RTKN2: variants seen among roughly 807,000 people sequenced by gnomAD.
RTKN2 encodes rhotekin 2.
A neutral mutation model predicts 71.5 loss-of-function variants in RTKN2; 69 were observed. That is an observed-to-expected ratio of 0.96 (90% CI 0.79 to 1.18). RTKN2 has a LOEUF of 1.18. Among genes scored for constraint, RTKN2 ranks in the 50% most tolerant of loss-of-function variants. RTKN2 has a pLI of 0.00. For missense variants in RTKN2, 724 were observed against 719.7 expected (o/e 1.01, Z -0.07); for synonymous variants, 236 against 236.5 (o/e 1.00, Z 0.02).
In RTKN2 at chr10:62,262,678, A is replaced by G. The variant is rs768769007; in HGVS notation, c.204T>C (p.Tyr68=). ...LMVCNARLMA[Y]TSELQKLEEQ... ...CTTCTAATTTCTGTAGCTCCGATGT[A>G]TAGGCCATTAGTCGAGCATTGCACA... Residue 68 remains tyrosine (Y), a synonymous_variant, in exon 2 of 12, where the codon TAT becomes TAC. Transcript: ENST00000373789. The G allele has an allele frequency of 6.2e-6, 10 of 1,613,394 alleles. No homozygotes were observed. In the South Asian group the frequency reaches 9.9e-5, roughly 16 times the overall value.
intron 10 of RTKN2, among the ~76,000 whole-genome samples, chr10:62,203,820 A>G (rs1222311018): frequency 6.6e-6 from 1 of 152,232 alleles, no homozygotes; most frequent in Non-Finnish European, 1.5e-5. Context: ...TTCAGGCCTA[A>G]GTTTTCTCAT....
rs1564529487 is a variant in RTKN2 at position 62,257,938 on chromosome 10, T to C, written c.257+4687A>G. 1.3e-5 allele frequency among the ~76,000 whole-genome samples: 2 copies of C among 152,220 alleles called. 1 individual carries two copies. Among genetic ancestry groups the C allele is most frequent in the Non-Finnish European group, 2.9e-5 (2 of 68,030 alleles). The stretch of plus-strand genomic sequence containing the variant: ...TTTACATCCTGACTCCATTGGGAAC[T>C]GTACAGAAGCCTGGGTATTTTGGCT... On this transcript the variant is annotated intron_variant, in intron 2 of 11. Coordinates refer to ENST00000373789, the MANE Select transcript of RTKN2 (RefSeq NM_145307.4).
chr10:62,251,762 T>G (rs1398575974), intron 2 of RTKN2, among the ~76,000 whole-genome samples: 1 of 151,620 alleles, frequency 6.6e-6, no homozygotes, highest in East Asian at 1.9e-4. Flanking sequence ...TAGTAAAGAA[T>G]AAACAATAGG....
chr10:62,195,981 A>C lies in RTKN2; in HGVS notation c.*1927T>G, dbSNP rs1295834638. ...CTTCCTGCTGTTATCTGCATGAGGAAAAATGACAAGAATATAATCTGGAAG... is the reference window on the plus strand; with the variant it reads ...CTTCCTGCTGTTATCTGCATGAGGACAAATGACAAGAATATAATCTGGAAG... On this transcript the variant is annotated 3_prime_UTR_variant, in exon 12 of 12. Coordinates refer to ENST00000373789, the MANE Select transcript of RTKN2 (RefSeq NM_145307.4). The C allele has an allele frequency of 3.0e-6, 3 of 985,094 alleles. No homozygotes were observed. Among genetic ancestry groups the C allele is most frequent in the Non-Finnish European group, 3.6e-6 (3 of 829,764 alleles). 61.0% of individuals were successfully genotyped at this position (985,094 alleles called of 1,614,324 possible). A position where few individuals can be genotyped will look rare whatever the true frequency, so the allele number is the denominator to read the frequency against.
At chr10:62,256,631 TCAA>T (rs1369007647) in intron 2 of RTKN2, among the ~76,000 whole-genome samples, 1 of 152,098 alleles carries the variant, frequency 6.6e-6, no homozygotes, top group Admixed American at 6.5e-5. Flanking sequence ...TTTAAATGGT[TCAA>T]CAACAAAAAA....
chr10:62,203,575 C>T (rs1172670192), intron 10 of RTKN2, among the ~76,000 whole-genome samples: 2 of 152,194 alleles, frequency 1.3e-5, no homozygotes, highest in Non-Finnish European at 2.9e-5. Flanking sequence ...AAACTCCTGA[C>T]TTCAGGTGAT....
At chr10:62,217,881 A>T (rs1432413) in intron 8 of RTKN2, among the ~76,000 whole-genome samples, 49,593 of 151,326 alleles carry the variant, frequency 0.33, 10,240 homozygotes, top group East Asian at 0.66. Context: ...CCTTTATGTG[A>T]AAGGTGTTGA....
chr10:62,241,311 GTTA>G, intron 3 of RTKN2, 116 bp from the exon 4 acceptor site: 1 of 599,900 alleles, frequency 1.7e-6, no homozygotes, highest in South Asian at 2.1e-5. Context: ...AAAATAAAGT[GTTA>G]TTATTTAACA....
At position 62,198,222 on chromosome 10, in the gene RTKN2, G is replaced by A; in HGVS notation, c.1516C>T (p.Leu506Phe). 1 of 1,614,036 alleles carries A rather than the reference G, an allele frequency of 6.2e-7. No individual in the cohort carries two copies. The highest frequency in any genetic ancestry group is 8.5e-7 in the Non-Finnish European group (1 of 1,179,962). ...DEKGKKRQAP[L>F]PPSDKLPFSL... ...AATGGAAGTTTATCAGAAGGAGGAA[G>A]GGGAGCTTGTCTCTTTTTCCCTTTT... The change falls in exon 12 of 12, where the codon CTT becomes TTT. Residue 506 changes from leucine to phenylalanine, a missense_variant. Leu to Phe is a conservative substitution (Grantham distance 22, BLOSUM62 0). Transcript: ENST00000373789.
chr10:62,190,049 T>A (rs188192646), downstream of RTKN2, among the ~76,000 whole-genome samples: 230 of 152,282 alleles, frequency 1.5e-3, no homozygotes, highest in Middle Eastern at 3.4e-3. Flanking sequence ...AGCCTGACAG[T>A]GGAGTCTATC....
At chr10:62,186,691 C>T (rs1841141793) in intron 8 of RTKN2, among the ~76,000 whole-genome samples, 1 of 152,148 alleles carries the variant, frequency 6.6e-6, no homozygotes, top group African/African-American at 2.4e-5. Context: ...AATTCTGCTG[C>T]TAAAAGTATG....
intron 6 of RTKN2, among the ~76,000 whole-genome samples, chr10:62,234,720 G>A (rs1589366853): frequency 1.3e-5 from 2 of 152,098 alleles, no homozygotes; most frequent in South Asian, 4.1e-4. Context: ...CAGTTTGGAA[G>A]AAAAGAATGC....
downstream of RTKN2, among the ~76,000 whole-genome samples, chr10:62,191,432 A>C (rs1938764780): frequency 6.6e-6 from 1 of 152,226 alleles, no homozygotes; most frequent in Admixed American, 6.5e-5. Context: ...GGCATGAGCC[A>C]CCGTGCCCAG....
chr10:62,198,140 G>A lies in RTKN2; in HGVS notation c.1598C>T (p.Thr533Ile), dbSNP rs1841367889. Reference sequence around the variant, plus strand: ...CAAAGACGATGTCTGAGATACACTTGTTTTTCCCCAGTTGTCCTTAACCAA... The same window carrying A: ...CAAAGACGATGTCTGAGATACACTTATTTTTCCCCAGTTGTCCTTAACCAA... Reference protein sequence around the residue: ...DQLVKDNWGKTSVSQTSSLDT... With the variant: ...DQLVKDNWGKISVSQTSSLDT... Residue 533 changes from threonine (T) to isoleucine (I), a missense_variant, in exon 12 of 12, where the codon ACA becomes ATA. Thr to Ile is a moderately conservative substitution (Grantham distance 89). Transcript: ENST00000373789. 3.7e-6 allele frequency: 6 copies of A among 1,614,136 alleles called. No individual in the cohort carries two copies. Among genetic ancestry groups the A allele is most frequent in the Non-Finnish European group, 5.1e-6 (6 of 1,180,004 alleles).
chr10:62,268,821 C>G lies in RTKN2; in HGVS notation c.-211G>C. 1.8e-6 allele frequency: 1 copy of G among 544,504 alleles called. No homozygotes were observed. The allele number at this position is 544,504 out of a possible 1,614,324, so 33.7% of individuals were successfully genotyped here. ...CTCCCGCCGCCGGAAGTTGCCGAGA[C>G]CCCAGGCTCTAGCGCGGCGGGGCGG... On this transcript the variant is annotated 5_prime_UTR_variant, in exon 1 of 12. Transcript: ENST00000373789.
chr10:62,224,529 G>C (rs1459316626), intron 6 of RTKN2, among the ~76,000 whole-genome samples: 1 of 151,950 alleles, frequency 6.6e-6, no homozygotes, highest in Non-Finnish European at 1.5e-5. Flanking sequence ...TCCAATGCTA[G>C]GTGATGGGCA....
chr10:62,205,837 G>A (rs554569630), intron 9 of RTKN2, among the ~76,000 whole-genome samples: 1 of 152,186 alleles, frequency 6.6e-6, no homozygotes, highest in East Asian at 1.9e-4. Context: ...GCAACTACAT[G>A]TGGCTTTGAC....
At chr10:62,225,049 A>G (rs1054746379) in intron 6 of RTKN2, among the ~76,000 whole-genome samples, 1 of 99,764 alleles carries the variant, frequency 1.0e-5, no homozygotes, top group Admixed American at 1.1e-4. Flanking sequence ...AACTCTAGCC[A>G]TGATCCTCTG....
At chr10:62,263,436 T>C (rs975662584) in intron 1 of RTKN2, among the ~76,000 whole-genome samples, 1 of 152,186 alleles carries the variant, frequency 6.6e-6, no homozygotes, top group Non-Finnish European at 1.5e-5. Context: ...CTGGCCTCCA[T>C]AAGTTTGAGA....
Sources: gnomAD v4.1 joint callset for allele counts (sites outside exome capture counted in the v4.1 genomes callset) on GRCh38, gnomAD v4.1.1 for gene constraint, MANE v1.5 for transcripts, NCBI Gene and HGNC (gene_info 2026-07-23, HGNC 2026-07-21) for gene names.